The following NXPE4 variants were observed in gnomAD, a reference collection of about 807,000 sequenced individuals.
NXPE4 encodes neurexophilin and PC-esterase domain family member 4.
NXPE4 carries 42 observed loss-of-function variants against 33.3 expected under a neutral mutation model. The ratio of observed to expected loss-of-function variants is 1.26; its 90% CI spans 0.98 to 1.63. The LOEUF is 1.63. Ranked by LOEUF, NXPE4 falls within the 40% of genes most tolerant of loss-of-function variation. NXPE4 has a pLI of 0.00. For missense variants in NXPE4, 709 were observed against 647.6 expected (o/e 1.09, Z -1.03); for synonymous variants, 253 against 234.9 (o/e 1.08, Z -0.71).
chr11:114,634,068 C>T, the NXPE4 span, among the ~76,000 whole-genome samples: 3 of 151,828 alleles, frequency 2.0e-5, no homozygotes, highest in South Asian at 4.2e-4. Flanking sequence ...AACTAGTTTA[C>T]AGTTCCACCA....
At chr11:114,673,572 T>C in the NXPE4 span, among the ~76,000 whole-genome samples, 5 of 151,720 alleles carry the variant, frequency 3.3e-5, no homozygotes, top group Admixed American at 6.6e-5. Context: ...GACAAACCTG[T>C]AGCTAGAATA....
chr11:114,626,943 A>C, the NXPE4 span, among the ~76,000 whole-genome samples: 1 of 152,050 alleles, frequency 6.6e-6, no homozygotes, highest in African/African-American at 2.4e-5. Flanking sequence ...AATGAATGAA[A>C]TGAAGTGAGA....
At chr11:114,674,777 A>G in the NXPE4 span, among the ~76,000 whole-genome samples, 1 of 151,862 alleles carries the variant, frequency 6.6e-6, no homozygotes, top group Non-Finnish European at 1.5e-5. Flanking sequence ...ATTGAAGTAA[A>G]GGGAATACTT....
chr11:114,634,940 G>T, the NXPE4 span, among the ~76,000 whole-genome samples: 1 of 151,930 alleles, frequency 6.6e-6, no homozygotes, highest in Admixed American at 6.6e-5. Context: ...TGAACTTGGT[G>T]ATGAGGGCCC....
the NXPE4 span, among the ~76,000 whole-genome samples, chr11:114,632,004 A>G: frequency 1.1e-4 from 16 of 148,276 alleles, no homozygotes; most frequent in Admixed American, 2.7e-4. Context: ...AACAGCTACT[A>G]TTACCTAATA....
At chr11:114,638,006 G>T in the NXPE4 span, among the ~76,000 whole-genome samples, 4 of 151,434 alleles carry the variant, frequency 2.6e-5, no homozygotes, top group Non-Finnish European at 5.9e-5. Context: ...TCTGAACGTT[G>T]GCCTGCCTTG....
At chr11:114,643,215 A>G in the NXPE4 span, among the ~76,000 whole-genome samples, 4 of 152,046 alleles carry the variant, frequency 2.6e-5, 1 homozygote, top group Admixed American at 2.6e-4. Context: ...TTTCCTGTTC[A>G]TTCTGATGAT....
upstream of NXPE4, among the ~76,000 whole-genome samples, chr11:114,600,618 C>T (rs1388047999): frequency 6.6e-6 from 1 of 152,008 alleles, no homozygotes; most frequent in Non-Finnish European, 1.5e-5. Context: ...AAGCAACTGT[C>T]CCCAGCTAAG....
At chr11:114,627,187 C>T in the NXPE4 span, among the ~76,000 whole-genome samples, 32 of 151,932 alleles carry the variant, frequency 2.1e-4, no homozygotes, top group Admixed American at 7.2e-4. Context: ...AGATACTCCT[C>T]GAGAAGAGCA....
the NXPE4 span, among the ~76,000 whole-genome samples, chr11:114,616,353 C>T: frequency 6.6e-6 from 1 of 150,580 alleles, no homozygotes; most frequent in African/African-American, 2.5e-5. Flanking sequence ...TAAGTGTTGC[C>T]TCACGTGTAA....
chr11:114,588,496 G>C (rs564522488), intron 2 of NXPE4, among the ~76,000 whole-genome samples: 1 of 152,164 alleles, frequency 6.6e-6, no homozygotes, highest in South Asian at 2.1e-4. Flanking sequence ...GCAGGCAGGG[G>C]AGAAATTCAA....
the NXPE4 span, among the ~76,000 whole-genome samples, chr11:114,650,654 C>T: frequency 6.6e-6 from 1 of 152,022 alleles, no homozygotes; most frequent in African/African-American, 2.4e-5. Context: ...TGTCTTGGAC[C>T]CAGGATATAT....
chr11:114,583,273 C>A, intron 2 of NXPE4: 1 of 652,084 alleles, frequency 1.5e-6, no homozygotes, highest in South Asian at 1.7e-5. Flanking sequence ...GGCAGGGCAC[C>A]AGGAGGAAAG....
chr11:114,593,097 G>A (rs987549850), intron 2 of NXPE4, among the ~76,000 whole-genome samples: 5 of 152,102 alleles, frequency 3.3e-5, no homozygotes, highest in African/African-American at 1.2e-4. Context: ...AGGGAATACT[G>A]TTCAGGACAC....
At chr11:114,602,955 A>G in the NXPE4 span, among the ~76,000 whole-genome samples, 5 of 150,100 alleles carry the variant, frequency 3.3e-5, no homozygotes, top group Admixed American at 1.3e-4. Flanking sequence ...TAATTATCTC[A>G]TATACAATTA....
At chr11:114,626,064 G>T in the NXPE4 span, among the ~76,000 whole-genome samples, 1 of 152,192 alleles carries the variant, frequency 6.6e-6, no homozygotes, top group African/African-American at 2.4e-5. Context: ...ACAGCAGTCT[G>T]AGATCAAACT....
intron 2 of NXPE4, among the ~76,000 whole-genome samples, chr11:114,589,834 AC>A (rs968233687): frequency 2.1e-4 from 32 of 152,226 alleles, no homozygotes; most frequent in East Asian, 9.7e-4. Context: ...TCCCTACAAC[AC>A]CCCAATATTA....
At position 114,580,167 on chromosome 11, in the gene NXPE4, C is replaced by T. The variant is rs759279646; in HGVS notation, c.1064G>A (p.Arg355His). 141 of 1,613,898 alleles carry T rather than the reference C, an allele frequency of 8.7e-5. No individual in the cohort carries two copies. The highest frequency in any genetic ancestry group is 3.3e-4 in the Middle Eastern group (2 of 6,082). ...LIYLMGDSTIRQWMEYFKASI... is the reference protein window; with the variant it reads ...LIYLMGDSTIHQWMEYFKASI... ...GGCTTTGAAGTATTCCATCCACTGG[C>T]GGATCGTGGAATCTCCCATTAGGTA... Residue 355 changes from arginine (R) to histidine (H), a missense_variant, in exon 5 of 6, where the codon CGC becomes CAC. Transcript: ENST00000375478.
the NXPE4 span, among the ~76,000 whole-genome samples, chr11:114,607,776 A>G: frequency 6.6e-6 from 1 of 151,868 alleles, no homozygotes; most frequent in Admixed American, 6.6e-5. Context: ...TAGGGTAACC[A>G]CTGTTACACG....
Sources: allele counts gnomAD v4.1 joint callset (sites outside exome capture counted in the v4.1 genomes callset), GRCh38; gene constraint gnomAD v4.1.1; transcripts MANE v1.5; gene names NCBI Gene and HGNC (gene_info 2026-07-23, HGNC 2026-07-21).